Variants in PAGE2B observed in about 807,000 individuals in gnomAD.
PAGE2B encodes the protein putative G antigen family E member 3.
A neutral mutation model predicts 7.6 loss-of-function variants in PAGE2B; 5 were observed. The observed-to-expected ratio is 0.66, with a 90% CI of 0.34 to 1.38. The LOEUF is 1.38. Ranked by LOEUF, PAGE2B falls within the 40% of genes most tolerant of loss-of-function variation. PAGE2B has a pLI of 0.04. For synonymous variants in PAGE2B, 29 were observed against 26.7 expected, an observed-to-expected ratio of 1.09 and a Z score of -0.27; for missense variants, 70 against 78.4, an observed-to-expected ratio of 0.89 and a Z score of 0.41.
At chrX:55,031,066 G>A in the PAGE2B span, 2 of 309,739 alleles carry the variant, frequency 6.5e-6, no homozygotes, top group Non-Finnish European at 1.3e-5. Context: ...CCCTGCATTG[G>A]CCCCAAAGGT....
chrX:55,036,182 A>G, the PAGE2B span, among the ~76,000 whole-genome samples: 1 of 112,124 alleles, frequency 8.9e-6, no homozygotes, highest in Non-Finnish European at 1.9e-5. Context: ...GTTGCCTATC[A>G]GCTTAAGGAG....
chrX:55,030,326 A>G, the PAGE2B span, among the ~76,000 whole-genome samples: 1 of 111,405 alleles, frequency 9.0e-6, no homozygotes, highest in African/African-American at 3.3e-5. Context: ...TATTTCTGCT[A>G]ATTATTCATC....
At chrX:55,070,680 A>C (rs1488428661), upstream of PAGE2B, among the ~76,000 whole-genome samples, 1 of 111,505 alleles carries the variant, frequency 9.0e-6, no homozygotes, top group Non-Finnish European at 1.9e-5. Context: ...GTCTCTTTGT[A>C]GGTCTCTAAG....
the PAGE2B span, among the ~76,000 whole-genome samples, chrX:55,046,997 A>G: frequency 9.0e-6 from 1 of 111,552 alleles, no homozygotes; most frequent in Non-Finnish European, 1.9e-5. Context: ...TTACATATGT[A>G]TACATGTGCC....
At chrX:55,039,126 A>G in the PAGE2B span, among the ~76,000 whole-genome samples, 1 of 111,744 alleles carries the variant, frequency 8.9e-6, no homozygotes, top group South Asian at 3.7e-4. Flanking sequence ...TTCAGTAGCC[A>G]TGAGATAAAA....
the PAGE2B span, among the ~76,000 whole-genome samples, chrX:55,050,245 G>C: frequency 9.0e-6 from 1 of 111,621 alleles, no homozygotes; most frequent in Non-Finnish European, 1.9e-5. Flanking sequence ...GTCAATTTTG[G>C]AATAGGTGTG....
chrX:55,076,461 T>C (rs1936519849), intron 2 of PAGE2B, 108 bp from the exon 3 acceptor site: 9 of 696,431 alleles, frequency 1.3e-5, no homozygotes, highest in Non-Finnish European at 1.9e-5. Flanking sequence ...CATATATATG[T>C]GTTTATATAT....
chrX:55,034,054 A>G, the PAGE2B span, among the ~76,000 whole-genome samples: 6 of 112,046 alleles, frequency 5.4e-5, no homozygotes, highest in African/African-American at 1.3e-4. Flanking sequence ...CCAGTTAACG[A>G]TAGTCTCAAC....
chrX:55,068,416 G>T, the PAGE2B span, among the ~76,000 whole-genome samples: 1 of 111,749 alleles, frequency 8.9e-6, no homozygotes, highest in Non-Finnish European at 1.9e-5. Flanking sequence ...TTTGGTACCA[G>T]TACCATGCTG....
At chrX:55,064,133 TGTTA>T in the PAGE2B span, among the ~76,000 whole-genome samples, 1 of 111,540 alleles carries the variant, frequency 9.0e-6, no homozygotes, top group African/African-American at 3.3e-5. Context: ...GTAGGTTTAG[TGTTA>T]GTTCTTCTTT....
chrX:55,047,617 G>A, the PAGE2B span, among the ~76,000 whole-genome samples: 1 of 111,727 alleles, frequency 9.0e-6, no homozygotes, highest in African/African-American at 3.3e-5. Flanking sequence ...ATTCTAACTG[G>A]TGTGAGATGG....
At chrX:55,075,385 C>G (rs1602275905) in intron 1 of PAGE2B, among the ~76,000 whole-genome samples, 1 of 110,707 alleles carries the variant, frequency 9.0e-6, no homozygotes, top group African/African-American at 3.3e-5. Flanking sequence ...TTAGAGGTGT[C>G]TGAGTCTCGA....
the PAGE2B span, among the ~76,000 whole-genome samples, chrX:55,045,508 G>C: frequency 1.8e-5 from 2 of 111,148 alleles, no homozygotes; most frequent in African/African-American, 3.3e-5. Context: ...AATTCTTGCT[G>C]TCAGTCTTAT....
At chrX:55,076,433 TATAC>T in intron 2 of PAGE2B, 132 bp from the exon 3 acceptor site, 4 of 587,219 alleles carry the variant, frequency 6.8e-6, no homozygotes, top group East Asian at 7.3e-5. Context: ...TGTATGTATA[TATAC>T]ATATATGTAT....
the PAGE2B span, among the ~76,000 whole-genome samples, chrX:55,060,806 G>T: frequency 8.9e-4 from 98 of 109,829 alleles, no homozygotes; most frequent in East Asian, 0.023. Flanking sequence ...TTTTTTGTGT[G>T]TATTTTTTTT....
At chrX:55,063,499 T>G in the PAGE2B span, among the ~76,000 whole-genome samples, 5 of 111,376 alleles carry the variant, frequency 4.5e-5, no homozygotes, top group Non-Finnish European at 9.4e-5. Flanking sequence ...TAAAATCACA[T>G]CTCTGCAAAC....
At chrX:55,069,760 T>G in the PAGE2B span, among the ~76,000 whole-genome samples, 8 of 111,455 alleles carry the variant, frequency 7.2e-5, no homozygotes, top group Non-Finnish European at 1.5e-4. Context: ...CTCTTCCTGG[T>G]TTAGTCTTGG....
chrX:55,030,276 C>T, the PAGE2B span, among the ~76,000 whole-genome samples: 6 of 111,865 alleles, frequency 5.4e-5, no homozygotes, highest in African/African-American at 1.9e-4. Context: ...TGTTTACTTT[C>T]TGTATAGTGA....
the PAGE2B span, among the ~76,000 whole-genome samples, chrX:55,054,542 G>A: frequency 2.0e-4 from 23 of 112,438 alleles, no homozygotes; most frequent in South Asian, 7.3e-4. Context: ...TATAGAAACT[G>A]AGTCTGTGTT....
Sources: gnomAD v4.1 joint callset for allele counts (sites outside exome capture counted in the v4.1 genomes callset) on GRCh38, gnomAD v4.1.1 for gene constraint, MANE v1.5 for transcripts, NCBI Gene and HGNC (gene_info 2026-07-23, HGNC 2026-07-21) for gene names.